WDR17: variants seen among roughly 807,000 people sequenced by gnomAD.
WDR17 encodes WD repeat domain 17.
In WDR17, 143 loss-of-function variants were observed where a neutral mutation model predicts 161.7. The ratio of observed to expected loss-of-function variants is 0.88; its 90% CI spans 0.77 to 1.02. WDR17 has a LOEUF of 1.02. WDR17 is among the 50% of genes least tolerant of loss of function. WDR17 has a pLI of 0.00. For synonymous variants in WDR17, 517 were observed against 515.6 expected (o/e 1.00, Z -0.04); for missense variants, 1,469 against 1,520.9 (o/e 0.97, Z 0.57).
At chr4:176,090,016 T>C (rs938472883) in intron 1 of WDR17, among the ~76,000 whole-genome samples, 1 of 152,168 alleles carries the variant, frequency 6.6e-6, no homozygotes, top group African/African-American at 2.4e-5. Flanking sequence ...GATAATTTAA[T>C]GTTATCTTCC....
At chr4:176,141,580 C>T (rs1259811789) in intron 10 of WDR17, among the ~76,000 whole-genome samples, 1 of 152,102 alleles carries the variant, frequency 6.6e-6, no homozygotes, top group Non-Finnish European at 1.5e-5. Flanking sequence ...CAGGTGTGCA[C>T]CACCACGCCT....
chr4:176,161,972 T>C (rs1443910596), intron 20 of WDR17, 103 bp from the exon 21 acceptor site: 2 of 982,242 alleles, frequency 2.0e-6, no homozygotes, highest in Admixed American at 3.2e-5. Flanking sequence ...CATGTCAAAT[T>C]AAATTTTATT....
At chr4:176,106,832 G>A (rs1468209568) in intron 1 of WDR17, among the ~76,000 whole-genome samples, 1 of 152,026 alleles carries the variant, frequency 6.6e-6, no homozygotes, top group Non-Finnish European at 1.5e-5. Context: ...ATGCCTATAG[G>A]CCTAGCTACT....
rs750662115 is a variant in WDR17 at position 176,115,839 on chromosome 4, C to G, written c.167C>G (p.Ser56Cys). 6.2e-7 allele frequency: 1 copy of G among 1,610,708 alleles called. No individual in the cohort carries two copies. The highest frequency in any genetic ancestry group is 8.5e-7 in the Non-Finnish European group (1 of 1,178,074). The stretch of plus-strand genomic sequence containing the variant: ...GAATTCAAACTTCACGCAATTATGT[C>G]TGAACATAAAAAAACAATCACAGCA... Reference protein sequence around the residue: ...YNEFKLHAIMSEHKKTITAIS... With the variant: ...YNEFKLHAIMCEHKKTITAIS... The change falls in exon 3 of 29, where the codon TCT (serine) becomes TGT (cysteine). Residue 56 changes from serine to cysteine, a missense_variant. Ser to Cys is a moderately radical substitution (Grantham distance 112, BLOSUM62 -1). Transcript: ENST00000508596.
intron 1 of WDR17, among the ~76,000 whole-genome samples, chr4:176,101,292 C>T (rs1196087729): frequency 6.6e-5 from 10 of 152,214 alleles, no homozygotes; most frequent in South Asian, 2.1e-4. Context: ...GTGACTGAGA[C>T]CTAATCATAG....
chr4:176,097,181 G>T (rs553304756), intron 1 of WDR17, among the ~76,000 whole-genome samples: 1 of 151,894 alleles, frequency 6.6e-6, no homozygotes, highest in Middle Eastern at 3.4e-3. Flanking sequence ...TTGTCAAATG[G>T]ATTTAGTCTA....
chr4:176,146,316 C>T (rs1579183693), intron 12 of WDR17, among the ~76,000 whole-genome samples, 157 bp downstream of exon 12: 2 of 152,332 alleles, frequency 1.3e-5, no homozygotes, highest in East Asian at 3.9e-4. Context: ...TTACTGCAAT[C>T]TCCACCTCCC....
At chr4:176,111,934 G>A (rs935481608) in intron 2 of WDR17, among the ~76,000 whole-genome samples, 1 of 152,076 alleles carries the variant, frequency 6.6e-6, no homozygotes, top group Non-Finnish European at 1.5e-5. Flanking sequence ...TCTTTTTTCA[G>A]TTGAAGAATT....
chr4:176,074,217 G>A (rs2126560606), intron 1 of WDR17, among the ~76,000 whole-genome samples: 1 of 151,616 alleles, frequency 6.6e-6, no homozygotes, highest in Admixed American at 6.6e-5. Flanking sequence ...TTTTCTTCTA[G>A]GGTTTTTATG....
At chr4:176,078,195 T>C (rs925636264) in intron 1 of WDR17, among the ~76,000 whole-genome samples, 3 of 152,102 alleles carry the variant, frequency 2.0e-5, no homozygotes, top group African/African-American at 7.2e-5. Context: ...GATAGTGGAT[T>C]GTTTTTAGTT....
chr4:176,137,401 A>G, intron 8 of WDR17, 119 bp from the exon 9 acceptor site: 1 of 703,180 alleles, frequency 1.4e-6, no homozygotes, highest in East Asian at 2.9e-5. Context: ...TTTCAATTAT[A>G]AAAAATTAAA....
rs1166001107 is a variant in WDR17, at chr4:176,148,266, A to G, written c.1828A>G (p.Ile610Val). The part of the protein sequence containing the change: ...LLISGSWDYT[I>V]KVWDTREGTC... The stretch of plus-strand genomic sequence containing the variant: ...CATATCTGGCAGCTGGGACTATACT[A>G]TAAAAGTATGGGACACTCGAGAAGG... The change falls in exon 13 of 29, where the codon ATA (isoleucine) becomes GTA (valine). Residue 610 changes from isoleucine (I) to valine (V), a missense_variant. Transcript: ENST00000508596. 4 of 1,614,008 alleles carry G rather than the reference A, an allele frequency of 2.5e-6. No individual in the cohort carries two copies. In the Admixed American group the frequency reaches 5.0e-5, roughly 20 times the overall value.
chr4:176,172,981 C>T (rs1750954221), intron 24 of WDR17, among the ~76,000 whole-genome samples: 1 of 152,132 alleles, frequency 6.6e-6, no homozygotes, highest in Non-Finnish European at 1.5e-5. Context: ...TCAACATGAG[C>T]TCTAGAGAGA....
chr4:176,140,019 A>G, intron 10 of WDR17, 45 bp downstream of exon 10: 2 of 1,479,632 alleles, frequency 1.4e-6, no homozygotes, highest in Non-Finnish European at 1.9e-6. Context: ...CACTGTTTAT[A>G]AAGCACTCAT....
At position 176,168,691 on chromosome 4, in the gene WDR17, C is replaced by T. The variant is rs1452927719; in HGVS notation, c.3010C>T (p.Leu1004Phe). The T allele has an allele frequency of 2.5e-6, 4 of 1,613,508 alleles. No individual in the cohort carries two copies. The South Asian group carries it at 4.4e-5, about 18-fold the overall frequency. ...ISVWNLAADL[L>F]LMIPDNELHL... ...TAACAGGAATTTGGCAGCTGATCTT[C>T]TTCTGATGATTCCTGATAATGAACT... Residue 1004 changes from leucine (L) to phenylalanine (F), a missense_variant, in exon 23 of 29, where the codon CTT (leucine) becomes TTT (phenylalanine). Physicochemically the swap from Leu to Phe is conservative, Grantham distance 22. Coordinates refer to ENST00000508596, the MANE Select transcript of WDR17 (RefSeq NM_181265.4).
At chr4:176,066,764 C>T (rs1732581957) in intron 1 of WDR17, among the ~76,000 whole-genome samples, 1 of 151,626 alleles carries the variant, frequency 6.6e-6, no homozygotes, top group Non-Finnish European at 1.5e-5. Context: ...TTAATATATA[C>T]ATATATACTA....
In WDR17 at chr4:176,071,985, A is replaced by G. The variant is rs534499090; in HGVS notation, c.-7+5906A>G. Among the ~76,000 whole-genome samples, 21 of 152,340 alleles carry G rather than the reference A, an allele frequency of 1.4e-4. 1 individual carries two copies. The highest frequency in any genetic ancestry group is 2.1e-4 in the Non-Finnish European group (14 of 68,030). ...TGACCAAGATGGAATTCATACTGGT[A>G]TAAGTGGTCATTTCGTGAGTCCAAA... On this transcript the variant is annotated intron_variant, in intron 1 of 28. Transcript: ENST00000508596.
intron 15 of WDR17, 87 bp from the exon 16 acceptor site, chr4:176,150,381 T>C (rs932138488): frequency 1.3e-6 from 2 of 1,505,120 alleles, no homozygotes; most frequent in Non-Finnish European, 1.8e-6. Flanking sequence ...AATTTAGATA[T>C]GCCTGCATTA....
intron 18 of WDR17, among the ~76,000 whole-genome samples, chr4:176,158,105 CA>C (rs1748446070): frequency 6.6e-6 from 1 of 152,116 alleles, no homozygotes; most frequent in African/African-American, 2.4e-5. Flanking sequence ...AAGAGGAACA[CA>C]AGACATTAAA....
Sources: allele counts gnomAD v4.1 joint callset (sites outside exome capture counted in the v4.1 genomes callset), GRCh38; gene constraint gnomAD v4.1.1; transcripts MANE v1.5; gene names NCBI Gene and HGNC (gene_info 2026-07-23, HGNC 2026-07-21).